Variants in CARMIL1 observed in about 807,000 individuals in gnomAD.
CARMIL1 encodes capping protein regulator and myosin 1 linker 1, also known as F-actin-uncapping protein LRRC16A.
CARMIL1 carries 90 observed loss-of-function variants against 177.1 expected under a neutral mutation model. The ratio of observed to expected loss-of-function variants is 0.51; its 90% CI spans 0.43 to 0.61. The LOEUF (loss-of-function observed/expected upper bound fraction) is 0.61. CARMIL1 is among the 20% of genes least tolerant of loss of function. The probability of loss-of-function intolerance (pLI) is 0.00; values close to 1 mark genes in which losing one functional copy is unlikely to be tolerated. For missense variants in CARMIL1, 1,380 were observed against 1,667.0 expected (o/e 0.83, Z 3.00); for synonymous variants, 577 against 606.2 (o/e 0.95, Z 0.71).
At chr6:25,386,621 ACAC>A (rs958350693) in intron 2 of CARMIL1, among the ~76,000 whole-genome samples, 1 of 152,062 alleles carries the variant, frequency 6.6e-6, no homozygotes, top group African/African-American at 2.4e-5. Context: ...ATGAAAACGA[ACAC>A]CGCCCAGGAC....
intron 2 of CARMIL1, among the ~76,000 whole-genome samples, chr6:25,333,208 T>A (rs34247480): frequency 0.13 from 20,523 of 152,226 alleles, 1,430 homozygotes; most frequent in Middle Eastern, 0.19. Flanking sequence ...AAAACTTCTT[T>A]GGTCAAATAA....
intron 2 of CARMIL1, among the ~76,000 whole-genome samples, chr6:25,414,140 G>C (rs770502537): frequency 6.6e-6 from 1 of 152,144 alleles, no homozygotes; most frequent in Non-Finnish European, 1.5e-5. Flanking sequence ...ATTCTTGTTT[G>C]AGCATCTCTT....
In CARMIL1 at chr6:25,495,218, G is replaced by A; in HGVS notation, c.1325+3G>A. 1 of 1,588,124 alleles carries A rather than the reference G, an allele frequency of 6.3e-7. No individual in the cohort carries two copies. Among genetic ancestry groups the A allele is most frequent in the Non-Finnish European group, 8.6e-7 (1 of 1,163,332 alleles). The stretch of plus-strand genomic sequence containing the variant: ...AAACTGTCTCCTGAGCCCTTAAAGT[G>A]AGTGGTTAATTCACTTTCTCCAGAG... On this transcript the variant is annotated splice_donor_region_variant and intron_variant, in intron 16 of 36. Coordinates refer to ENST00000329474, the MANE Select transcript of CARMIL1 (RefSeq NM_017640.6).
At chr6:25,569,776 T>A (rs1421643859) in intron 29 of CARMIL1, among the ~76,000 whole-genome samples, 2 of 152,192 alleles carry the variant, frequency 1.3e-5, no homozygotes, top group Non-Finnish European at 2.9e-5. Context: ...TTAAGTCTTC[T>A]CCTAAACTCC....
chr6:25,444,511 C>G (rs1026949601), intron 5 of CARMIL1, among the ~76,000 whole-genome samples: 2 of 152,052 alleles, frequency 1.3e-5, no homozygotes, highest in Admixed American at 6.6e-5. Flanking sequence ...TCTCCTAATA[C>G]TATCCCTCCC....
chr6:25,420,400 A>AT, intron 3 of CARMIL1: 1 of 491,310 alleles, frequency 2.0e-6, no homozygotes, highest in Non-Finnish European at 3.6e-6. Context: ...TGAGAAACAT[A>AT]TTTTTTACTC....
intron 10 of CARMIL1, among the ~76,000 whole-genome samples, chr6:25,472,120 AT>A (rs773626063): frequency 3.0e-3 from 438 of 145,152 alleles, no homozygotes; most frequent in Middle Eastern, 0.011. Context: ...TCAATCCAGG[AT>A]TTTTTTTTTT....
intron 4 of CARMIL1, among the ~76,000 whole-genome samples, chr6:25,429,758 T>C (rs1188924928): frequency 6.9e-6 from 1 of 145,446 alleles, no homozygotes; most frequent in Non-Finnish European, 1.5e-5. Flanking sequence ...TTTAAGCTTC[T>C]TAAAATGATT....
chr6:25,414,797 C>G (rs1795226900), intron 2 of CARMIL1, among the ~76,000 whole-genome samples: 1 of 152,208 alleles, frequency 6.6e-6, no homozygotes, highest in Non-Finnish European at 1.5e-5. Flanking sequence ...TGTGAACTCT[C>G]TGTGTCTCTG....
chr6:25,352,413 T>G (rs1419950598), intron 2 of CARMIL1, among the ~76,000 whole-genome samples: 1 of 152,094 alleles, frequency 6.6e-6, no homozygotes, highest in African/African-American at 2.4e-5. Flanking sequence ...AATATATGAC[T>G]AATGTATATA....
At chr6:25,533,099 C>G (rs9348683) in intron 24 of CARMIL1, among the ~76,000 whole-genome samples, 1 of 151,974 alleles carries the variant, frequency 6.6e-6, no homozygotes, top group South Asian at 2.1e-4. Context: ...GCTATTTGCT[C>G]GTTATATTCT....
chr6:25,471,942 A>G (rs1801132748), intron 10 of CARMIL1, among the ~76,000 whole-genome samples: 1 of 152,218 alleles, frequency 6.6e-6, no homozygotes, highest in Non-Finnish European at 1.5e-5. Flanking sequence ...TTAGTACATT[A>G]TTTGAAGTTA....
chr6:25,434,569 G>A (rs1357799892), intron 4 of CARMIL1, among the ~76,000 whole-genome samples: 1 of 143,176 alleles, frequency 7.0e-6, no homozygotes, highest in Non-Finnish European at 1.5e-5. Flanking sequence ...CTGTCATCAG[G>A]CTGGAGTGCA....
chr6:25,281,371 G>T (rs2744272), intron 1 of CARMIL1, among the ~76,000 whole-genome samples: 11,368 of 151,932 alleles, frequency 0.075, 716 homozygotes, highest in African/African-American at 0.17. Flanking sequence ...GCTGGTCAGG[G>T]GATAAGGATG....
At chr6:25,434,312 G>A (rs192295541) in intron 4 of CARMIL1, among the ~76,000 whole-genome samples, 2 of 152,008 alleles carry the variant, frequency 1.3e-5, no homozygotes, top group African/African-American at 2.4e-5. Context: ...TTTTGTGACC[G>A]ACCTGTCCTC....
At chr6:25,332,769 ACACG>A (rs1199422764) in intron 2 of CARMIL1, among the ~76,000 whole-genome samples, 3 of 137,858 alleles carry the variant, frequency 2.2e-5, no homozygotes, top group African/African-American at 8.0e-5. Flanking sequence ...ACACACACAC[ACACG>A]CGCACACACA....
At chr6:25,512,045 G>A (rs977049206) in intron 20 of CARMIL1, among the ~76,000 whole-genome samples, 1 of 152,108 alleles carries the variant, frequency 6.6e-6, no homozygotes, top group East Asian at 1.9e-4. Flanking sequence ...GCATCACTCT[G>A]CCTTGTTTGA....
chr6:25,408,639 G>T (rs6906654), intron 2 of CARMIL1, among the ~76,000 whole-genome samples: 22 of 151,928 alleles, frequency 1.4e-4, no homozygotes, highest in African/African-American at 5.3e-4. Flanking sequence ...TAAGTGGTGG[G>T]ACCAGAATTC....
At chr6:25,389,780 C>T (rs1475230751) in intron 2 of CARMIL1, among the ~76,000 whole-genome samples, 1 of 152,098 alleles carries the variant, frequency 6.6e-6, no homozygotes, top group East Asian at 1.9e-4. Context: ...GTGTAGGACT[C>T]ATGATAATTA....
Sources: allele counts gnomAD v4.1 joint callset (sites outside exome capture counted in the v4.1 genomes callset), GRCh38; gene constraint gnomAD v4.1.1; transcripts MANE v1.5; gene names NCBI Gene and HGNC (gene_info 2026-07-23, HGNC 2026-07-21).